Variants in SLC38A9 observed in about 807,000 individuals in gnomAD.
The protein encoded by SLC38A9 is neutral amino acid transporter 9.
SLC38A9 carries 48 observed loss-of-function variants against 62.3 expected under a neutral mutation model. The ratio of observed to expected loss-of-function variants is 0.77; its 90% CI spans 0.61 to 0.98. SLC38A9 has a LOEUF of 0.98. Among genes scored for constraint, SLC38A9 ranks in the 50% least tolerant of loss-of-function variants. The pLI is 0.00. For synonymous variants in SLC38A9, 204 were observed against 227.7 expected (o/e 0.90, Z 0.94); for missense variants, 541 against 679.8 (o/e 0.80, Z 2.27).
At chr5:55,710,328 A>T (rs1384245445) in intron 2 of SLC38A9, among the ~76,000 whole-genome samples, 1 of 149,700 alleles carries the variant, frequency 6.7e-6, no homozygotes, top group Admixed American at 6.7e-5. Context: ...TCAGCATCCC[A>T]AGTAGCTGGG....
chr5:55,673,605 G>A (rs73113694), intron 3 of SLC38A9, among the ~76,000 whole-genome samples: 5,934 of 111,440 alleles, frequency 0.053, 153 homozygotes, highest in African/African-American at 0.1. Flanking sequence ...AAAAAATCCA[G>A]ATTTATCATT....
intron 13 of SLC38A9, chr5:55,635,278 C>T (rs2161504): frequency 0.57 from 279,397 of 487,282 alleles, 82,614 homozygotes; most frequent in South Asian, 0.65. Flanking sequence ...TATTTGAGTA[C>T]CACAAGGTGC....
chr5:55,671,502 C>CTTTTTTTTT lies in SLC38A9; in HGVS notation c.246+1060_246+1061insAAAAAAAAA, dbSNP rs145470405. Among the ~76,000 whole-genome samples the CTTTTTTTTT allele has an allele frequency of 2.2e-4, 32 of 144,352 alleles. 10 individuals carry two copies. The highest frequency in any genetic ancestry group is 1.4e-4 in the Non-Finnish European group (9 of 65,928). The allele number at this position is 144,352 out of a possible 152,430, so 94.7% of individuals were successfully genotyped here. A position where few individuals can be genotyped will look rare whatever the true frequency, so the allele number is the denominator to read the frequency against. On this transcript the variant is annotated intron_variant, in intron 4 of 15. Transcript: ENST00000396865. Reference sequence around the variant, plus strand: ...TGTGTACATATTTCAGTTTCCCATTCTTCTTTTTTTTTTTTTTTAAGAGAT... The same window carrying CTTTTTTTTT: ...TGTGTACATATTTCAGTTTCCCATTCTTTTTTTTTTTCTTTTTTTTTTTTTTTAAGAGAT...
intron 3 of SLC38A9, chr5:55,691,191 G>T: frequency 2.3e-6 from 2 of 862,016 alleles, no homozygotes; most frequent in Non-Finnish European, 3.8e-6. Context: ...ATATTTACCG[G>T]ATTCTCCATG....
chr5:55,657,385 C>CT (rs1239358703), intron 8 of SLC38A9, among the ~76,000 whole-genome samples: 2 of 152,056 alleles, frequency 1.3e-5, no homozygotes, highest in African/African-American at 2.4e-5. Context: ...TAAGTTTTCT[C>CT]TTATCCTCAC....
chr5:55,635,319 T>C (rs547259729), intron 13 of SLC38A9: 2 of 559,394 alleles, frequency 3.6e-6, no homozygotes, highest in Non-Finnish European at 6.4e-6. Context: ...TCAGAGTCCA[T>C]CTAAAAATCA....
Position 55,664,839 on chromosome 5 carries a change from T to G in SLC38A9, c.551A>C (p.Glu184Ala). 1 of 1,555,560 alleles carries G rather than the reference T, an allele frequency of 6.4e-7. No homozygotes were observed. The highest frequency in any genetic ancestry group is 8.7e-7 in the Non-Finnish European group (1 of 1,156,048). Residue 184 changes from glutamate to alanine, a missense_variant, in exon 8 of 16, where the codon GAA becomes GCA. Coordinates refer to ENST00000396865, the MANE Select transcript of SLC38A9 (RefSeq NM_173514.4). ...ATAATGTCTGCAGACATCTGGATATTCCCAGCTAGTGGTATCCAACGAAAC... is the reference window on the plus strand; with the variant it reads ...ATAATGTCTGCAGACATCTGGATATGCCCAGCTAGTGGTATCCAACGAAAC... ...MMFSLDTTSW[E>A]YPDVCRHYFG...
At chr5:55,663,965 G>A (rs1198216575) in intron 8 of SLC38A9, among the ~76,000 whole-genome samples, 1 of 152,040 alleles carries the variant, frequency 6.6e-6, no homozygotes, top group African/African-American at 2.4e-5. Flanking sequence ...TTTAGGTTTA[G>A]TGAAAACTTT....
chr5:55,645,982 T>C (rs6450329), intron 11 of SLC38A9, 87 bp from the exon 12 acceptor site: 493,222 of 772,378 alleles, frequency 0.64, 159,537 homozygotes, highest in South Asian at 0.7. Context: ...AAAAATCAGT[T>C]GTCACTGTTT....
intron 2 of SLC38A9, among the ~76,000 whole-genome samples, chr5:55,706,274 A>G (rs535131864): frequency 1.3e-5 from 2 of 152,246 alleles, no homozygotes; most frequent in Non-Finnish European, 2.9e-5. Flanking sequence ...GCAGAAATAT[A>G]TGGCTATACT....
At chr5:55,651,168 G>A (rs11748628) in intron 10 of SLC38A9, among the ~76,000 whole-genome samples, 80,459 of 148,164 alleles carry the variant, frequency 0.54, 23,393 homozygotes, top group South Asian at 0.66. Context: ...TTTATGTGGA[G>A]TTATCGATTC....
intron 3 of SLC38A9, among the ~76,000 whole-genome samples, chr5:55,686,602 G>A (rs995970039): frequency 6.6e-6 from 1 of 151,492 alleles, no homozygotes; most frequent in African/African-American, 2.4e-5. Context: ...TTCTTTTGCC[G>A]TGCAGAAGCT....
chr5:55,708,116 G>A (rs7736177), intron 2 of SLC38A9, among the ~76,000 whole-genome samples: 98,002 of 152,090 alleles, frequency 0.64, 31,890 homozygotes, highest in South Asian at 0.73. Context: ...ATAGGTCCCA[G>A]TAGGGAATGA....
chr5:55,646,523 A>G (rs1010547498), intron 11 of SLC38A9, among the ~76,000 whole-genome samples: 1 of 152,178 alleles, frequency 6.6e-6, no homozygotes, highest in African/African-American at 2.4e-5. Flanking sequence ...CCAGAAAAGT[A>G]CCTCTAGAAA....
chr5:55,632,432 A>C (rs1226991018), intron 14 of SLC38A9, among the ~76,000 whole-genome samples: 1 of 152,082 alleles, frequency 6.6e-6, no homozygotes, highest in Non-Finnish European at 1.5e-5. Flanking sequence ...AGCGAGACTC[A>C]GTCTCAGAAA....
intron 8 of SLC38A9, among the ~76,000 whole-genome samples, chr5:55,662,685 AC>A (rs1749792961): frequency 1.8e-5 from 1 of 55,478 alleles, no homozygotes; most frequent in African/African-American, 4.9e-5. Context: ...ACAAAAAAAA[AC>A]CAAAAAAAAA....
At chr5:55,698,634 A>G (rs1756239597) in intron 2 of SLC38A9, among the ~76,000 whole-genome samples, 1 of 152,258 alleles carries the variant, frequency 6.6e-6, no homozygotes, top group African/African-American at 2.4e-5. Context: ...ACTACAAAGA[A>G]GTCTTCTTAA....
chr5:55,660,063 G>A (rs1347986886), intron 8 of SLC38A9, among the ~76,000 whole-genome samples: 2 of 150,688 alleles, frequency 1.3e-5, no homozygotes, highest in African/African-American at 2.4e-5. Flanking sequence ...ACCACGCCCG[G>A]CTACAAAATT....
chr5:55,650,596 T>C (rs143029569), intron 10 of SLC38A9, among the ~76,000 whole-genome samples: 4 of 152,270 alleles, frequency 2.6e-5, no homozygotes, highest in East Asian at 1.9e-4. Context: ...GTTTGGAGAT[T>C]AGCTGATTCA....
Sources: allele counts gnomAD v4.1 joint callset (sites outside exome capture counted in the v4.1 genomes callset), GRCh38; gene constraint gnomAD v4.1.1; transcripts MANE v1.5; gene names NCBI Gene and HGNC (gene_info 2026-07-23, HGNC 2026-07-21).